COP1: variants seen among roughly 807,000 people sequenced by gnomAD.
COP1 encodes E3 ubiquitin-protein ligase COP1.
COP1 carries 24 observed loss-of-function variants against 101.3 expected under a neutral mutation model. The observed-to-expected ratio is 0.24, with a 90% CI of 0.17 to 0.33. The LOEUF is 0.33. Ranked by LOEUF, COP1 falls within the 10% of genes least tolerant of loss-of-function variation. The pLI is 1.00. For synonymous variants in COP1, 347 were observed against 341.9 expected (o/e 1.01, Z -0.17); for missense variants, 663 against 906.2 (o/e 0.73, Z 3.45).
At chr1:175,951,883 TTA>T (rs1230064945) in intron 18 of COP1, among the ~76,000 whole-genome samples, 1 of 12,692 alleles carries the variant, frequency 7.9e-5, no homozygotes, top group East Asian at 0.021. Context: ...TATGAAAACG[TTA>T]AGACTAAAAT....
At chr1:176,194,766 C>T (rs1418178390) in intron 1 of COP1, among the ~76,000 whole-genome samples, 1 of 151,984 alleles carries the variant, frequency 6.6e-6, no homozygotes, top group Non-Finnish European at 1.5e-5. Context: ...TAAAAACATA[C>T]CATGTAAACA....
intron 15 of COP1, among the ~76,000 whole-genome samples, chr1:175,999,416 T>C (rs10913120): frequency 0.4 from 60,553 of 151,904 alleles, 12,297 homozygotes; most frequent in Middle Eastern, 0.45. Flanking sequence ...GTTCCATCCA[T>C]GTTGTTGCAA....
At chr1:175,997,087 T>C (rs1239842327) in intron 15 of COP1, among the ~76,000 whole-genome samples, 1 of 151,956 alleles carries the variant, frequency 6.6e-6, no homozygotes, top group Non-Finnish European at 1.5e-5. Context: ...TCCTCAGAAA[T>C]AATGCCGCGT....
chr1:176,048,148 T>C (rs1671831931), intron 11 of COP1, among the ~76,000 whole-genome samples: 1 of 151,928 alleles, frequency 6.6e-6, no homozygotes, highest in South Asian at 2.1e-4. Flanking sequence ...TCTTTACAGC[T>C]TTAAATGCTT....
intron 1 of COP1, among the ~76,000 whole-genome samples, chr1:176,202,404 G>A (rs915760320): frequency 2.1e-4 from 32 of 151,978 alleles, no homozygotes; most frequent in African/African-American, 6.7e-4. Context: ...GCCCAGGATG[G>A]TCTCAAACTC....
At chr1:176,122,342 C>T (rs1454845051) in intron 8 of COP1, among the ~76,000 whole-genome samples, 2 of 151,960 alleles carry the variant, frequency 1.3e-5, no homozygotes, top group East Asian at 1.9e-4. Flanking sequence ...CAGTTTTATA[C>T]GATACATGGC....
intron 11 of COP1, among the ~76,000 whole-genome samples, chr1:176,058,295 T>G (rs1385974086): frequency 1.3e-5 from 2 of 152,068 alleles, no homozygotes; most frequent in Non-Finnish European, 1.5e-5. Context: ...GAACGGGCCA[T>G]GATGACAATG....
rs1056659636 is a variant in COP1 at position 176,134,913 on chromosome 1, G to T, written c.968+97C>A. The T allele has an allele frequency of 1.5e-5, 12 of 795,184 alleles. No homozygotes were observed. In the African/African-American group the frequency reaches 1.7e-4, roughly 12 times the overall value. 49.3% of individuals were successfully genotyped at this position (795,184 alleles called of 1,614,324 possible). A position where few individuals can be genotyped will look rare whatever the true frequency, so the allele number is the denominator to read the frequency against. ...ATCATGACCAAAGTAATTTCTCAGG[G>T]GTTTCATACACTGCATGGAAAAGGC... is the stretch of plus-strand genomic sequence containing the variant. On this transcript the variant is annotated intron_variant, in intron 8 of 19. Transcript: ENST00000367669.
chr1:175,963,036 T>C (rs1651570759), intron 18 of COP1, among the ~76,000 whole-genome samples: 1 of 152,024 alleles, frequency 6.6e-6, no homozygotes, highest in African/African-American at 2.4e-5. Flanking sequence ...CATGTGGGTG[T>C]TTTCTGTTAT....
At chr1:175,968,332 C>A (rs1652496673) in intron 18 of COP1, 1 of 434,178 alleles carries the variant, frequency 2.3e-6, no homozygotes, top group South Asian at 1.7e-5. Context: ...TAATACAGTA[C>A]TCATAACCAG....
At chr1:176,116,277 A>G (rs1190362827) in intron 9 of COP1, among the ~76,000 whole-genome samples, 1 of 152,128 alleles carries the variant, frequency 6.6e-6, no homozygotes, top group Admixed American at 6.6e-5. Flanking sequence ...GCTACTTGAC[A>G]GGCTGAGGTA....
chr1:176,188,976 G>C (rs1470561776), intron 1 of COP1, among the ~76,000 whole-genome samples: 1 of 152,052 alleles, frequency 6.6e-6, no homozygotes, highest in African/African-American at 2.4e-5. Flanking sequence ...GACAGTAACT[G>C]AAATCATTTT....
intron 9 of COP1, among the ~76,000 whole-genome samples, chr1:176,094,307 T>C (rs1207611718): frequency 6.6e-6 from 1 of 151,958 alleles, no homozygotes; most frequent in Non-Finnish European, 1.5e-5. Flanking sequence ...TAGGTTGCCT[T>C]ATAATTGTTG....
At chr1:176,180,209 T>C (rs983141001) in intron 2 of COP1, among the ~76,000 whole-genome samples, 1 of 152,210 alleles carries the variant, frequency 6.6e-6, no homozygotes, top group Non-Finnish European at 1.5e-5. Flanking sequence ...CACAATATCC[T>C]GTTAAAAGAA....
intron 15 of COP1, among the ~76,000 whole-genome samples, chr1:176,019,482 A>AATAATAATG: frequency 6.9e-6 from 1 of 145,610 alleles, no homozygotes; most frequent in South Asian, 2.1e-4. Flanking sequence ...TAATAATAAT[A>AATAATAATG]ATAATAATAA....
At chr1:176,129,899 C>T (rs1273787377) in intron 8 of COP1, among the ~76,000 whole-genome samples, 1 of 151,766 alleles carries the variant, frequency 6.6e-6, no homozygotes, top group Non-Finnish European at 1.5e-5. Context: ...TTCCTCATCA[C>T]ACCAGATTTA....
At chr1:176,048,639 T>C (rs909060733) in intron 11 of COP1, among the ~76,000 whole-genome samples, 2 of 152,206 alleles carry the variant, frequency 1.3e-5, no homozygotes, top group African/African-American at 2.4e-5. Flanking sequence ...AATCCTGTTT[T>C]TAATTTAGGA....
intron 9 of COP1, among the ~76,000 whole-genome samples, chr1:176,088,922 G>A (rs1208578657): frequency 6.7e-6 from 1 of 149,676 alleles, no homozygotes; most frequent in Non-Finnish European, 1.5e-5. Context: ...TTGAACCCAG[G>A]AGGCAGAGGC....
intron 8 of COP1, among the ~76,000 whole-genome samples, chr1:176,124,365 AATTAAT>A (rs1377504611): frequency 6.7e-6 from 1 of 150,318 alleles, no homozygotes; most frequent in Non-Finnish European, 1.5e-5. Context: ...TATTCATTTT[AATTAAT>A]TTTTTTTTTT....
Sources: allele counts gnomAD v4.1 joint callset (sites outside exome capture counted in the v4.1 genomes callset), GRCh38; gene constraint gnomAD v4.1.1; transcripts MANE v1.5; gene names NCBI Gene and HGNC (gene_info 2026-07-23, HGNC 2026-07-21).